Variants in RIPOR2 observed in about 807,000 individuals in gnomAD.
RIPOR2 encodes rho family-interacting cell polarization regulator 2.
Under a neutral mutation model 114.5 loss-of-function variants are expected in RIPOR2, and 39 were observed. The observed-to-expected ratio is 0.34, with a 90% CI of 0.26 to 0.44. The LOEUF is 0.44. Ranked by LOEUF, RIPOR2 falls within the 20% of genes least tolerant of loss-of-function variation. The pLI, the probability that RIPOR2 is intolerant of heterozygous loss-of-function variation, is 1.00. For missense variants in RIPOR2, 1,007 were observed against 1,255.1 expected, an observed-to-expected ratio of 0.80 and a Z score of 2.99; for synonymous variants, 445 against 484.4, an observed-to-expected ratio of 0.92 and a Z score of 1.07.
intron 1 of RIPOR2, among the ~76,000 whole-genome samples, chr6:24,973,196 G>C (rs1773870216): frequency 6.6e-6 from 1 of 152,196 alleles, no homozygotes; most frequent in African/African-American, 2.4e-5. Context: ...ATACACTGTT[G>C]GTGGGAATGT....
chr6:24,877,286 T>C, intron 1 of RIPOR2: 1 of 985,386 alleles, frequency 1.0e-6, no homozygotes, highest in Non-Finnish European at 1.2e-6. Flanking sequence ...CCCATGTTGC[T>C]GCAGGTTTTT....
At chr6:24,894,799 T>G (rs1767698742) in intron 1 of RIPOR2, among the ~76,000 whole-genome samples, 1 of 152,196 alleles carries the variant, frequency 6.6e-6, no homozygotes, top group South Asian at 2.1e-4. Flanking sequence ...AAATGGGTCA[T>G]CTTTGCTATT....
intron 1 of RIPOR2, among the ~76,000 whole-genome samples, chr6:24,932,169 T>C (rs868572696): frequency 2.6e-5 from 4 of 152,094 alleles, no homozygotes; most frequent in Admixed American, 6.5e-5. Context: ...GAAAGAACAA[T>C]GGGAAAAGAG....
At chr6:24,947,263 G>A (rs1772468045) in intron 1 of RIPOR2, among the ~76,000 whole-genome samples, 1 of 152,074 alleles carries the variant, frequency 6.6e-6, no homozygotes, top group Non-Finnish European at 1.5e-5. Context: ...TCAACTCTCC[G>A]TCTCGGGTTT....
intron 1 of RIPOR2, among the ~76,000 whole-genome samples, chr6:24,974,391 C>A (rs1773938961): frequency 6.6e-6 from 1 of 151,974 alleles, no homozygotes. Context: ...AACAAACAAA[C>A]AAAAAAACCC....
Position 24,858,833 on chromosome 6 carries a change from C to T in RIPOR2, c.715+2140G>A, listed in dbSNP as rs770777896. On this transcript the variant is annotated intron_variant, in intron 8 of 21. Coordinates refer to ENST00000643898, the MANE Select transcript of RIPOR2 (RefSeq NM_001286445.3). This position sits in a 1 kb window ranked among gnomAD's most constrained non-coding sequence, Gnocchi z 4.0. ...CTGCGATGTAGCGGGGTGGCCAGGT[C>T]CCCCAGTAGGTGGCAGGGACTCCAG... 1.9e-4 allele frequency among the ~76,000 whole-genome samples: 29 copies of T among 152,238 alleles called. No homozygotes were observed. Among genetic ancestry groups the T allele is most frequent in the Non-Finnish European group, 3.1e-4 (21 of 68,004 alleles).
chr6:24,890,353 A>T (rs973751725), intron 1 of RIPOR2, among the ~76,000 whole-genome samples: 14 of 152,332 alleles, frequency 9.2e-5, no homozygotes, highest in African/African-American at 2.9e-4. Context: ...TTGCAGCAAC[A>T]TGGGTGGAAC....
intron 1 of RIPOR2, among the ~76,000 whole-genome samples, chr6:24,907,315 C>T (rs1769095917): frequency 6.6e-6 from 1 of 152,180 alleles, no homozygotes; most frequent in Admixed American, 6.5e-5. Context: ...CAGTACTCAT[C>T]GGTGTCATGT....
chr6:24,886,789 T>A (rs958259683), intron 1 of RIPOR2, among the ~76,000 whole-genome samples: 1 of 152,224 alleles, frequency 6.6e-6, no homozygotes, highest in Non-Finnish European at 1.5e-5. Context: ...AAAGTTACTA[T>A]CTTTGCCTTT....
chr6:25,023,333 T>A (rs1776423437), intron 1 of RIPOR2: 3 of 788,850 alleles, frequency 3.8e-6, no homozygotes, highest in Non-Finnish European at 4.6e-6. Flanking sequence ...CCCGGTGGCA[T>A]CAATTGGCTC....
At chr6:24,985,185 C>T (rs997678622) in intron 1 of RIPOR2, among the ~76,000 whole-genome samples, 1 of 152,184 alleles carries the variant, frequency 6.6e-6, no homozygotes, top group Admixed American at 6.5e-5. Flanking sequence ...GGAAACAGCA[C>T]TACTTAAACC....
intron 1 of RIPOR2, among the ~76,000 whole-genome samples, chr6:24,952,895 C>T (rs574988024): frequency 7.2e-5 from 11 of 152,300 alleles, no homozygotes; most frequent in African/African-American, 1.2e-4. Flanking sequence ...AATGTGATAA[C>T]GCAGTAGGGG....
intron 1 of RIPOR2, among the ~76,000 whole-genome samples, chr6:24,922,154 T>TA (rs922933764): frequency 1.3e-4 from 19 of 151,980 alleles, no homozygotes; most frequent in South Asian, 4.2e-4. Context: ...TGAATAATAA[T>TA]AAAAAAAACC....
chr6:24,944,535 C>T (rs1373341784), intron 1 of RIPOR2, among the ~76,000 whole-genome samples: 1 of 152,096 alleles, frequency 6.6e-6, no homozygotes, highest in Non-Finnish European at 1.5e-5. Context: ...TTTTAAACAT[C>T]CCGTTTTCAG....
At chr6:24,818,698 C>T in intron 19 of RIPOR2, 73 bp from the exon 20 acceptor site, 1 of 846,104 alleles carries the variant, frequency 1.2e-6, no homozygotes, top group Non-Finnish European at 1.8e-6. Flanking sequence ...CTCATTCTTA[C>T]TCTCTGAGAT....
intron 12 of RIPOR2, among the ~76,000 whole-genome samples, chr6:24,845,215 G>A (rs960649589): frequency 1.3e-5 from 2 of 152,140 alleles, no homozygotes; most frequent in Non-Finnish European, 2.9e-5. Flanking sequence ...CCACAATGTT[G>A]TTGGTGTGGT....
At chr6:24,824,907 A>G (rs964468940) in intron 19 of RIPOR2, among the ~76,000 whole-genome samples, 4 of 152,248 alleles carry the variant, frequency 2.6e-5, no homozygotes, top group African/African-American at 9.6e-5. Context: ...TATCGAGGAA[A>G]GAAAATAACC....
At chr6:24,938,858 C>T (rs532002556), upstream of RIPOR2, among the ~76,000 whole-genome samples, 2 of 152,162 alleles carry the variant, frequency 1.3e-5, no homozygotes, top group Non-Finnish European at 2.9e-5. Flanking sequence ...ATATGACATA[C>T]ATGCATGATG....
Position 25,031,718 on chromosome 6 carries a change from T to G in RIPOR2, c.76+10133A>C, listed in dbSNP as rs1271443531. 3.7e-4 allele frequency among the ~76,000 whole-genome samples: 35 copies of G among 94,540 alleles called. 1 individual carries two copies. The highest frequency in any genetic ancestry group is 1.8e-3 in the African/African-American group (34 of 19,388). The allele number at this position is 94,540 out of a possible 152,430, so 62.0% of individuals were successfully genotyped here. A position where few individuals can be genotyped will look rare whatever the true frequency, so the allele number is the denominator to read the frequency against. On this transcript the variant is annotated intron_variant, in intron 1 of 13. Coordinates refer to the RIPOR2 transcript ENST00000510784. ...TGGTAGTTATATATATATATATATA[T>G]ATATATATATATATATATATATATA...
Sources: gnomAD v4.1 joint callset for allele counts (sites outside exome capture counted in the v4.1 genomes callset) on GRCh38, gnomAD v4.1.1 for gene constraint, Gnocchi (gnomAD v3.1) non-coding constraint, MANE v1.5 for transcripts, NCBI Gene and HGNC (gene_info 2026-07-23, HGNC 2026-07-21) for gene names.